KANSL1: variants seen among roughly 807,000 people sequenced by gnomAD.
KANSL1 encodes the protein MLL1/MLL complex subunit KANSL1.
Under a neutral mutation model 103.6 loss-of-function variants are expected in KANSL1, and 22 were observed. The observed-to-expected ratio is 0.21, with a 90% confidence interval of 0.15 to 0.30. The LOEUF is 0.30. Among genes scored for constraint, KANSL1 ranks in the 10% least tolerant of loss-of-function variants. The probability of loss-of-function intolerance (pLI) is 1.00; values close to 1 mark genes in which losing one functional copy is unlikely to be tolerated. For missense variants in KANSL1, 1,337 were observed against 1,399.8 expected (o/e 0.96, Z 0.72); for synonymous variants, 600 against 527.6 (o/e 1.14, Z -1.88).
rs527948436 is a variant in KANSL1 at position 46,082,447 on chromosome 17, A to C, written c.1527T>G (p.Asp509Glu). 45 of 1,601,950 alleles carry C rather than the reference A, an allele frequency of 2.8e-5. No individual in the cohort carries two copies. In the East Asian group the frequency reaches 7.4e-4, roughly 26 times the overall value. ...SSEVKTDHGT[D>E]KLIESVSQPL... The stretch of plus-strand genomic sequence containing the variant: ...TTCTATCTTTTATACTTACCAATTT[A>C]TCAGTCCCATGATCTGTCTTCACCT... The change falls in exon 4 of 15, where the codon GAT becomes GAG. Residue 509 changes from aspartate (D) to glutamate (E), a missense_variant. Coordinates refer to ENST00000432791, the MANE Select transcript of KANSL1 (RefSeq NM_015443.4).
intron 2 of KANSL1, chr17:46,156,899 CAA>C (rs200919070): frequency 2.3e-4 from 25 of 110,738 alleles, no homozygotes; most frequent in Admixed American, 5.7e-4. Context: ...ACTCTATCTC[CAA>C]AAAAAAAAAA....
At chr17:46,058,710 A>AACACAC (rs749406954) in intron 6 of KANSL1, among the ~76,000 whole-genome samples, 22 of 124,470 alleles carry the variant, frequency 1.8e-4, no homozygotes, top group Non-Finnish European at 2.3e-4. Context: ...CCAGATTTAA[A>AACACAC]ACACACACAC....
intron 1 of KANSL1, among the ~76,000 whole-genome samples, chr17:46,181,138 T>A (rs933893823): frequency 6.6e-6 from 1 of 152,212 alleles, no homozygotes; most frequent in African/African-American, 2.4e-5. Context: ...GGGGCCAGTC[T>A]AACAAAAAGG....
rs139934691 is a variant in KANSL1 at position 46,172,020 on chromosome 17, T to C, written c.124A>G (p.Ile42Val). Residue 42 changes from isoleucine to valine, a missense_variant, in exon 2 of 15, where the codon ATC (isoleucine) becomes GTC (valine). Coordinates refer to ENST00000432791, the MANE Select transcript of KANSL1 (RefSeq NM_015443.4). ...GSAENNGNAN[I>V]LIAANGTKRK... Reference sequence around the variant, plus strand: ...TTGGTTCCGTTGGCAGCAATAAGGATGTTGGCGTTGCCGTTATTTTCGGCA... The same window carrying C: ...TTGGTTCCGTTGGCAGCAATAAGGACGTTGGCGTTGCCGTTATTTTCGGCA... The C allele has an allele frequency of 3.1e-6, 5 of 1,614,246 alleles. No individual in the cohort carries two copies. The highest frequency in any genetic ancestry group is 2.7e-5 in the African/African-American group (2 of 75,058).
At chr17:46,164,567 A>G (rs1374566862) in intron 2 of KANSL1, among the ~76,000 whole-genome samples, 1 of 152,282 alleles carries the variant, frequency 6.6e-6, no homozygotes, top group Admixed American at 6.5e-5. Context: ...TAAGATAATC[A>G]CTTTAATGGA....
At chr17:46,034,410 T>A in intron 10 of KANSL1, 125 bp from the exon 11 acceptor site, 1 of 1,004,526 alleles carries the variant, frequency 1.0e-6, no homozygotes, top group Non-Finnish European at 1.5e-6. Context: ...AGCTGAGTAA[T>A]GACCATAGCA....
intron 2 of KANSL1, among the ~76,000 whole-genome samples, chr17:46,158,861 A>T (rs1161849765): frequency 6.6e-6 from 1 of 152,218 alleles, no homozygotes; most frequent in Non-Finnish European, 1.5e-5. Flanking sequence ...TTTCTGAAGC[A>T]TAACACTCCA....
intron 1 of KANSL1, among the ~76,000 whole-genome samples, chr17:46,174,820 T>C (rs569820700): frequency 7.7e-4 from 117 of 152,262 alleles, no homozygotes; most frequent in Admixed American, 3.8e-3. Flanking sequence ...ACTATAGGTG[T>C]GTGCCACCAT....
chr17:46,080,311 TTAAAA>T (rs2078937837), intron 4 of KANSL1, among the ~76,000 whole-genome samples: 1 of 38,910 alleles, frequency 2.6e-5, no homozygotes, highest in Non-Finnish European at 7.9e-5. Context: ...AGAGCCTGTC[TTAAAA>T]AAAAAAAAAA....
intron 1 of KANSL1, among the ~76,000 whole-genome samples, chr17:46,186,643 G>A (rs1343221579): frequency 6.6e-6 from 1 of 152,226 alleles, no homozygotes; most frequent in Non-Finnish European, 1.5e-5. Context: ...ACATGCTTAA[G>A]GTCTTCAAAG....
At chr17:46,079,691 G>C (rs905169054) in intron 4 of KANSL1, among the ~76,000 whole-genome samples, 2 of 152,166 alleles carry the variant, frequency 1.3e-5, no homozygotes, top group African/African-American at 4.8e-5. Flanking sequence ...TAGGAATTAT[G>C]TCTAGGCTGG....
At chr17:46,110,449 G>GA (rs2042754735) in intron 2 of KANSL1, among the ~76,000 whole-genome samples, 2 of 152,128 alleles carry the variant, frequency 1.3e-5, no homozygotes, top group Non-Finnish European at 2.9e-5. Context: ...TTATAATAAG[G>GA]AAACTAAGAC....
chr17:46,057,660 G>C (rs62060769), intron 6 of KANSL1, among the ~76,000 whole-genome samples: 21,764 of 152,000 alleles, frequency 0.14, 2,119 homozygotes, highest in Non-Finnish European at 0.22. Flanking sequence ...TAGTTTTCAA[G>C]AAAAACAAGG....
At chr17:46,050,208 G>A in intron 7 of KANSL1, 1 of 267,322 alleles carries the variant, frequency 3.7e-6, no homozygotes, top group Non-Finnish European at 7.1e-6. Context: ...GACCCACCAC[G>A]CCTGGCCCAG....
intron 1 of KANSL1, among the ~76,000 whole-genome samples, chr17:46,218,708 A>C (rs1448646857): frequency 6.6e-6 from 1 of 151,956 alleles, no homozygotes; most frequent in East Asian, 1.9e-4. Context: ...GCTTGAACTC[A>C]GGAGACACAG....
At chr17:46,177,934 C>T (rs529335178) in intron 1 of KANSL1, among the ~76,000 whole-genome samples, 309 of 152,304 alleles carry the variant, frequency 2.0e-3, no homozygotes, top group Non-Finnish European at 3.7e-3. Context: ...TCCGCCACCA[C>T]GCCCAGCTAG....
rs200649587 is a variant in KANSL1, at chr17:46,172,114, G to A, written c.30C>T (p.Asp10=). The change falls in exon 2 of 15, where the codon GAC becomes GAT. Residue 10 remains aspartate, a synonymous_variant. Transcript: ENST00000432791. ...GGATATGGTGTGCTTCAGCTGCTGC[G>A]TCAGTGAGAGCGGGCGCCATCGCAG... MAAMAPALT[D]AAAEAHHIRF... 188 of 1,609,262 alleles carry A rather than the reference G, an allele frequency of 1.2e-4. No individual in the cohort carries two copies. The highest frequency in any genetic ancestry group is 1.9e-4 in the African/African-American group (14 of 75,040).
chr17:46,222,623 C>T (rs2048566095), intron 1 of KANSL1: 1 of 152,208 alleles, frequency 6.6e-6, no homozygotes, highest in Admixed American at 6.6e-5. Context: ...ACTCAGCCTA[C>T]ATGACCTAAG....
rs373918467 is a variant in KANSL1, at chr17:46,171,123, G to A, written c.1021C>T (p.Arg341Trp). 35 of 1,614,044 alleles carry A rather than the reference G, an allele frequency of 2.2e-5. No individual in the cohort carries two copies. The highest frequency in any genetic ancestry group is 2.3e-5 in the Non-Finnish European group (27 of 1,180,050). ...TTTCGAGTCAGCATCAACTGGCTCC[G>A]TGGTCTCAAGGATTCCAAGTTTGGC... ...KLPNLESLRP[R>W]SQLMLTRKAE... The change falls in exon 2 of 15, where the codon CGG becomes TGG. Residue 341 changes from arginine (R) to tryptophan (W), a missense_variant. This residue lies in a region of KANSL1 where 557 missense variants were observed against 476.4 expected (regional missense o/e 1.17). Transcript: ENST00000432791.
Sources: gnomAD v4.1 joint callset for allele counts (sites outside exome capture counted in the v4.1 genomes callset) on GRCh38, gnomAD v4.1.1 for gene constraint, gnomAD v4.1.1 regional missense constraint, MANE v1.5 for transcripts, NCBI Gene and HGNC (gene_info 2026-07-23, HGNC 2026-07-21) for gene names.